NWD2: variants seen among roughly 807,000 people sequenced by gnomAD.
NWD2 encodes NACHT and WD repeat domain-containing protein 2.
NWD2 carries 37 observed loss-of-function variants against 132.7 expected under a neutral mutation model. The ratio of observed to expected loss-of-function variants is 0.28; its 90% CI spans 0.21 to 0.37. The LOEUF is 0.37. Ranked by LOEUF, NWD2 falls within the 10% of genes least tolerant of loss-of-function variation. The pLI is 1.00. For missense variants in NWD2, 1,592 were observed against 2,122.4 expected (o/e 0.75, Z 4.91); for synonymous variants, 705 against 803.0 (o/e 0.88, Z 2.06).
At chr4:37,253,470 A>G (rs17603467) in intron 1 of NWD2, among the ~76,000 whole-genome samples, 1 of 152,138 alleles carries the variant, frequency 6.6e-6, no homozygotes, top group Non-Finnish European at 1.5e-5. Flanking sequence ...GTCCCAAGGG[A>G]TAGAAGTGAG....
At chr4:37,379,510 A>T (rs1383819679) in intron 3 of NWD2, among the ~76,000 whole-genome samples, 2 of 151,798 alleles carry the variant, frequency 1.3e-5, no homozygotes, top group African/African-American at 2.4e-5. Context: ...AAAGCACATG[A>T]CATATGTTTT....
intron 3 of NWD2, among the ~76,000 whole-genome samples, chr4:37,380,382 C>A (rs1241541792): frequency 6.6e-6 from 1 of 152,182 alleles, no homozygotes; most frequent in African/African-American, 2.4e-5. Context: ...GAAATCAGAC[C>A]ATCAGTATTT....
intron 3 of NWD2, among the ~76,000 whole-genome samples, chr4:37,365,661 G>C (rs1253214570): frequency 6.6e-6 from 1 of 152,178 alleles, no homozygotes; most frequent in Non-Finnish European, 1.5e-5. Flanking sequence ...CTTTAGAATG[G>C]ACAAACATGG....
intron 3 of NWD2, among the ~76,000 whole-genome samples, chr4:37,407,554 C>G (rs13131186): frequency 0.084 from 12,792 of 152,222 alleles, 603 homozygotes; most frequent in East Asian, 0.16. Flanking sequence ...TCCAACCAAT[C>G]AGTGACGTGA....
At chr4:37,245,294 C>T in intron 1 of NWD2, 76 bp downstream of exon 1, 2 of 1,419,690 alleles carry the variant, frequency 1.4e-6, no homozygotes, top group East Asian at 2.6e-5. Context: ...TGTGTGTCCG[C>T]CCCACAGCCC....
intron 3 of NWD2, among the ~76,000 whole-genome samples, chr4:37,384,533 A>G (rs955650239): frequency 1.3e-5 from 2 of 152,166 alleles, no homozygotes; most frequent in African/African-American, 4.8e-5. Context: ...TTTGTCCCTG[A>G]AGGTAGTTCA....
Position 37,261,832 on chromosome 4 carries a change from G to T in NWD2, c.151+16614G>T, listed in dbSNP as rs144979605. Among the ~76,000 whole-genome samples the T allele has an allele frequency of 8.5e-5, 13 of 152,294 alleles. No individual in the cohort carries two copies. In the East Asian group the frequency reaches 2.1e-3, roughly 25 times the overall value. On this transcript the variant is annotated intron_variant, in intron 1 of 6. Coordinates refer to ENST00000309447, the MANE Select transcript of NWD2 (RefSeq NM_001144990.2). ...GTTTCTGTCTCCCAGTTAACGGGTGGTCATAAAAGGTCTGTCTGATGAGAT... is the reference window on the plus strand; with the variant it reads ...GTTTCTGTCTCCCAGTTAACGGGTGTTCATAAAAGGTCTGTCTGATGAGAT...
At chr4:37,316,655 C>A (rs564541329) in intron 1 of NWD2, among the ~76,000 whole-genome samples, 4 of 152,012 alleles carry the variant, frequency 2.6e-5, no homozygotes, top group Non-Finnish European at 5.9e-5. Flanking sequence ...GGGCTTGGTT[C>A]ATTTTCCTTA....
chr4:37,444,218 C>G lies in NWD2; in HGVS notation c.2230C>G (p.Leu744Val). ...NRHLQLIAQKLYLQDDNDLRE... is the reference protein window; with the variant it reads ...NRHLQLIAQKVYLQDDNDLRE... The stretch of plus-strand genomic sequence containing the variant: ...ACACCTGCAGCTCATAGCCCAGAAG[C>G]TATATCTGCAGGATGACAATGACCT... Residue 744 changes from leucine (L) to valine (V), a missense_variant, in exon 7 of 7, where the codon CTA becomes GTA. Around this residue, in one of 7 missense-constraint regions of NWD2, gnomAD observed 1,071 missense variants for 1,398.0 expected, o/e 0.77. Transcript: ENST00000309447. This position sits in a 1 kb window ranked among gnomAD's most constrained non-coding sequence, Gnocchi z 4.8. 6.4e-7 allele frequency: 1 copy of G among 1,551,700 alleles called. No individual in the cohort carries two copies. The highest frequency in any genetic ancestry group is 8.7e-7 in the Non-Finnish European group (1 of 1,146,976).
chr4:37,441,607 G>A (rs1712486521), intron 6 of NWD2, among the ~76,000 whole-genome samples: 1 of 152,176 alleles, frequency 6.6e-6, no homozygotes, highest in African/African-American at 2.4e-5. Flanking sequence ...TTCAGAGTTG[G>A]TCAGTTTAAG....
In NWD2 at chr4:37,410,642, G is replaced by A. The variant is rs149493638; in HGVS notation, c.358-19930G>A. ...ACTTGAACTCAGCTCTGGACCAAGC[G>A]GAACTAATAGACATCTACTGAACTC... On this transcript the variant is annotated intron_variant, in intron 3 of 6. Coordinates refer to ENST00000309447, the MANE Select transcript of NWD2 (RefSeq NM_001144990.2). Among the ~76,000 whole-genome samples, 804 of 152,166 alleles carry A rather than the reference G, an allele frequency of 5.3e-3. 12 individuals carry two copies. The highest frequency in any genetic ancestry group is 0.019 in the African/African-American group (782 of 41,526).
In NWD2 at chr4:37,445,140, G is replaced by T; in HGVS notation, c.3152G>T (p.Gly1051Val). Residue 1051 changes from glycine (G) to valine (V), a missense_variant, in exon 7 of 7, where the codon GGG (glycine) becomes GTG (valine). Physicochemically the swap from Gly to Val is moderately radical, Grantham distance 109. Transcript: ENST00000309447. This position sits in a 1 kb window ranked among gnomAD's most constrained non-coding sequence, Gnocchi z 4.7. The stretch of plus-strand genomic sequence containing the variant: ...CTCCTGTCTGAAGTAGAAATCAAGG[G>T]GACCAAGCATGGAAGCAGCGCCACC... ...SCLLSEVEIK[G>V]TKHGSSATYI... 6.4e-7 allele frequency: 1 copy of T among 1,552,034 alleles called. No individual in the cohort carries two copies. The highest frequency in any genetic ancestry group is 1.2e-5 in the South Asian group (1 of 84,054).
At chr4:37,311,939 A>C (rs981802519) in intron 1 of NWD2, among the ~76,000 whole-genome samples, 1 of 151,488 alleles carries the variant, frequency 6.6e-6, no homozygotes, top group Admixed American at 6.5e-5. Context: ...AGATAGTTGT[A>C]GATATGCGGC....
intron 3 of NWD2, among the ~76,000 whole-genome samples, chr4:37,408,304 G>A (rs1485130849): frequency 6.6e-6 from 1 of 152,182 alleles, no homozygotes. Context: ...TGCCAGCACA[G>A]CAGCAGTCTG....
intron 3 of NWD2, among the ~76,000 whole-genome samples, chr4:37,414,271 A>G (rs749600024): frequency 6.6e-6 from 1 of 152,114 alleles, no homozygotes; most frequent in African/African-American, 2.4e-5. Context: ...CAAAATGTTG[A>G]TAGTTGGTAA....
chr4:37,352,065 C>A (rs148350907), intron 2 of NWD2, among the ~76,000 whole-genome samples: 5,258 of 152,164 alleles, frequency 0.035, 123 homozygotes, highest in Middle Eastern at 0.078. Flanking sequence ...GATTTCCATT[C>A]TTTTGCATTT....
rs1379999115 is a variant in NWD2 at position 37,445,097 on chromosome 4, G to A, written c.3109G>A (p.Asp1037Asn). 1.3e-6 allele frequency: 2 copies of A among 1,551,832 alleles called. No homozygotes were observed. Among genetic ancestry groups the A allele is most frequent in the South Asian group, 1.2e-5 (1 of 84,046 alleles). ...AACAAATAACACCTTGTTGATTTAT[G>A]ACAATGTCAATTCTTGCCTCCTGTC... ...ATTNNTLLIY[D>N]NVNSCLLSEV... The change falls in exon 7 of 7, where the codon GAC becomes AAC. Residue 1037 changes from aspartate to asparagine, a missense_variant. By Grantham distance (23) the Asp-to-Asn change is conservative. Around this residue, in one of 7 missense-constraint regions of NWD2, gnomAD observed 1,071 missense variants for 1,398.0 expected, o/e 0.77. Transcript: ENST00000309447. This position sits in a 1 kb window ranked among gnomAD's most constrained non-coding sequence, Gnocchi z 4.7.
At chr4:37,397,880 G>A (rs1720829997) in intron 3 of NWD2, among the ~76,000 whole-genome samples, 1 of 151,476 alleles carries the variant, frequency 6.6e-6, no homozygotes, top group African/African-American at 2.4e-5. Context: ...GTTCTGCATT[G>A]GCCATGCTAT....
Position 37,446,121 on chromosome 4 carries a change from A to G in NWD2, c.4133A>G (p.Lys1378Arg). 2 of 1,551,674 alleles carry G rather than the reference A, an allele frequency of 1.3e-6. No individual in the cohort carries two copies. Among genetic ancestry groups the G allele is most frequent in the South Asian group, 1.2e-5 (1 of 84,054 alleles). ...TGDIMVTSDD[K>R]SSQYVWHTSS... ...GATATAATGGTGACATCAGATGACA[A>G]AAGCAGCCAGTATGTCTGGCACACC... The change falls in exon 7 of 7, where the codon AAA (lysine) becomes AGA (arginine). Residue 1378 changes from lysine (K) to arginine (R), a missense_variant. Transcript: ENST00000309447. This position sits in a 1 kb window ranked among gnomAD's most constrained non-coding sequence, Gnocchi z 6.7.
Sources: allele counts gnomAD v4.1 joint callset (sites outside exome capture counted in the v4.1 genomes callset), GRCh38; gene constraint gnomAD v4.1.1; regional missense constraint gnomAD v4.1.1; non-coding constraint Gnocchi (gnomAD v3.1); transcripts MANE v1.5; gene names NCBI Gene and HGNC (gene_info 2026-07-23, HGNC 2026-07-21).